KDM6A: variants seen among roughly 807,000 people sequenced by gnomAD.
The protein encoded by KDM6A is lysine-specific demethylase 6A.
KDM6A carries 11 observed loss-of-function variants against 117.6 expected under a neutral mutation model. That is an observed-to-expected ratio of 0.09 (90% CI 0.06 to 0.15). The LOEUF is 0.15. Ranked by LOEUF, KDM6A falls within the 10% of genes least tolerant of loss-of-function variation. The probability of loss-of-function intolerance (pLI) is 1.00; values close to 1 mark genes in which losing one functional copy is unlikely to be tolerated. For synonymous variants in KDM6A, 384 were observed against 396.1 expected, an observed-to-expected ratio of 0.97 and a Z score of 0.36; for missense variants, 799 against 1,077.3, an observed-to-expected ratio of 0.74 and a Z score of 3.62.
chrX:44,937,661 C>G (rs2037054159), intron 2 of KDM6A, among the ~76,000 whole-genome samples: 1 of 111,739 alleles, frequency 8.9e-6, no homozygotes, highest in South Asian at 3.7e-4. Context: ...CTCCTATTCC[C>G]TGAGACACAG....
At chrX:45,062,609 A>G (rs1461907985) in intron 15 of KDM6A, 38 bp from the exon 16 acceptor site, 17 of 1,009,780 alleles carry the variant, frequency 1.7e-5, no homozygotes, top group Non-Finnish European at 2.2e-5. Context: ...TTTCCTAAAT[A>G]TATCTTTGAC....
At chrX:44,890,507 C>T (rs2033253487) in intron 2 of KDM6A, among the ~76,000 whole-genome samples, 1 of 111,049 alleles carries the variant, frequency 9.0e-6, no homozygotes, top group Non-Finnish European at 1.9e-5. Context: ...AGCAATGTAT[C>T]AGTGTTCCAG....
At chrX:45,072,866 AATAT>A (rs35510523) in intron 18 of KDM6A, among the ~76,000 whole-genome samples, 2 of 105,444 alleles carry the variant, frequency 1.9e-5, no homozygotes, top group African/African-American at 3.5e-5. Flanking sequence ...AAAATATAAT[AATAT>A]ATATATATAT....
In KDM6A at chrX:45,009,311, G is replaced by A; in HGVS notation, c.385-1650G>A. Among the ~76,000 whole-genome samples the A allele has an allele frequency of 2.7e-5, 3 of 112,239 alleles. 1 individual carries two copies. The Middle Eastern group carries it at 0.014, about 515-fold the overall frequency. ...TCCTCACCTTTTTAGACCTTACAGA[G>A]TTCTGACGTTGTGATAGTGCTGCTA... On this transcript the variant is annotated intron_variant, in intron 4 of 29. Transcript: ENST00000611820.
At position 45,079,501 on chromosome X, in the gene KDM6A, ATATGTATG is replaced by A. The variant is rs72270582; in HGVS notation, c.3300+185_3300+192del. 7,687 of 423,810 alleles carry A rather than the reference ATATGTATG, an allele frequency of 0.018. 430 individuals are homozygous for A. Among genetic ancestry groups the A allele is most frequent in the African/African-American group, 0.17 (6,144 of 37,161 alleles). The allele number at this position is 423,810 out of a possible 1,213,427, so 34.9% of individuals were successfully genotyped here. ...TGTTCTCCAGTTGTCTCGTATGTAT[ATATGTATG>A]TATGTATGTATGTATGTATGTATGT... On this transcript the variant is annotated intron_variant, in intron 21 of 29. Coordinates refer to ENST00000611820, the MANE Select transcript of KDM6A (RefSeq NM_001291415.2).
chrX:44,986,406 T>C (rs1370490834), intron 4 of KDM6A, among the ~76,000 whole-genome samples: 6 of 111,544 alleles, frequency 5.4e-5, no homozygotes, highest in Non-Finnish European at 1.1e-4. Context: ...GTGTCTCTAT[T>C]TCCTTCAGTT....
chrX:44,874,092 G>C, intron 2 of KDM6A, 105 bp downstream of exon 2: 4 of 731,524 alleles, frequency 5.5e-6, no homozygotes, highest in Non-Finnish European at 6.3e-6. Flanking sequence ...CACGGACGAT[G>C]GTCGAGGGGC....
At chrX:44,884,129 GAGTT>G (rs1047907053) in intron 2 of KDM6A, among the ~76,000 whole-genome samples, 2 of 89,213 alleles carry the variant, frequency 2.2e-5, no homozygotes, top group African/African-American at 8.4e-5. Flanking sequence ...AAAAAAAAAA[GAGTT>G]AGAGGTATAA....
At chrX:44,994,240 A>G (rs998592664) in intron 4 of KDM6A, among the ~76,000 whole-genome samples, 2 of 111,704 alleles carry the variant, frequency 1.8e-5, no homozygotes, top group East Asian at 2.8e-4. Context: ...CATCTCCCCA[A>G]TTCCCTTTCC....
At chrX:45,098,035 C>G (rs1173688440) in intron 27 of KDM6A, among the ~76,000 whole-genome samples, 1 of 111,960 alleles carries the variant, frequency 8.9e-6, no homozygotes, top group African/African-American at 3.2e-5. Context: ...GGATAACTTT[C>G]TCTTTTGACT....
intron 2 of KDM6A, among the ~76,000 whole-genome samples, chrX:44,931,959 A>G (rs1258011611): frequency 1.8e-5 from 2 of 110,196 alleles, no homozygotes; most frequent in Non-Finnish European, 3.8e-5. Context: ...TGGAATCGAG[A>G]AATGGATGCC....
At chrX:44,927,086 A>G (rs183967090) in intron 2 of KDM6A, among the ~76,000 whole-genome samples, 260 of 111,580 alleles carry the variant, frequency 2.3e-3, no homozygotes, top group Non-Finnish European at 3.6e-3. Context: ...AATTTCACTT[A>G]CAGGGCTGCC....
chrX:44,900,835 C>T (rs2034295533), intron 2 of KDM6A, among the ~76,000 whole-genome samples: 1 of 111,140 alleles, frequency 9.0e-6, no homozygotes, highest in Admixed American at 9.6e-5. Context: ...AGGTGGAGAT[C>T]GTGTCACTGC....
In KDM6A at chrX:44,975,784, C is replaced by T. The variant is rs1222673861; in HGVS notation, c.384+1069C>T. On this transcript the variant is annotated intron_variant, in intron 4 of 29. Coordinates refer to ENST00000611820, the MANE Select transcript of KDM6A (RefSeq NM_001291415.2). ...GTCCCTGGAGAATCACTGATCCACC[C>T]AGCCCACAGGTGTTTACACCAGATG... is the stretch of plus-strand genomic sequence containing the variant. 3.6e-5 allele frequency among the ~76,000 whole-genome samples: 4 copies of T among 111,954 alleles called. No individual in the cohort carries two copies. The East Asian group carries it at 1.1e-3, about 32-fold the overall frequency.
At chrX:45,043,255 G>A (rs190711153) in intron 8 of KDM6A, among the ~76,000 whole-genome samples, 1 of 110,580 alleles carries the variant, frequency 9.0e-6, no homozygotes, top group South Asian at 3.9e-4. Flanking sequence ...TCGCCACTGC[G>A]CTCCAGCCTG....
chrX:45,110,076 C>A lies in KDM6A; in HGVS notation c.4162-3C>A. ...GAATACGTTTTTCTCTTGTATAAAA[C>A]AGGTGGAGGTTTTTGATCTGCTTTT... On this transcript the variant is annotated splice_region_variant and splice_polypyrimidine_tract_variant and intron_variant, in intron 28 of 29. Coordinates refer to ENST00000611820, the MANE Select transcript of KDM6A (RefSeq NM_001291415.2). The A allele has an allele frequency of 8.3e-7, 1 of 1,205,830 alleles. No individual in the cohort carries two copies. Among genetic ancestry groups the A allele is most frequent in the East Asian group, 3.0e-5 (1 of 33,780 alleles).
At chrX:44,936,212 C>G (rs933310198) in intron 2 of KDM6A, among the ~76,000 whole-genome samples, 13 of 111,474 alleles carry the variant, frequency 1.2e-4, no homozygotes, top group African/African-American at 4.2e-4. Flanking sequence ...CTCCTGCTAT[C>G]TTATAAAAGG....
At chrX:44,971,535 ATCT>A (rs2039341063) in intron 3 of KDM6A, among the ~76,000 whole-genome samples, 1 of 111,457 alleles carries the variant, frequency 9.0e-6, no homozygotes, top group Non-Finnish European at 1.9e-5. Flanking sequence ...TTTTTGGTAA[ATCT>A]TCTTTTATTC....
At chrX:44,987,038 G>A (rs755903726) in intron 4 of KDM6A, among the ~76,000 whole-genome samples, 8 of 111,262 alleles carry the variant, frequency 7.2e-5, no homozygotes, top group African/African-American at 2.6e-4. Context: ...ATCATTGTGT[G>A]GGAGTCTAAG....
Sources: allele counts gnomAD v4.1 joint callset (sites outside exome capture counted in the v4.1 genomes callset), GRCh38; gene constraint gnomAD v4.1.1; transcripts MANE v1.5; gene names NCBI Gene and HGNC (gene_info 2026-07-23, HGNC 2026-07-21).